Variants in MYOF observed in about 807,000 individuals in gnomAD.
The protein encoded by MYOF is myoferlin.
MYOF carries 244 observed loss-of-function variants against 284.2 expected under a neutral mutation model. The ratio of observed to expected loss-of-function variants is 0.86; its 90% CI spans 0.77 to 0.95. The LOEUF (loss-of-function observed/expected upper bound fraction) is 0.95. Ranked by LOEUF, MYOF falls within the 40% of genes least tolerant of loss-of-function variation. MYOF has a pLI of 0.00. For missense variants in MYOF, 2,496 were observed against 2,560.6 expected, an observed-to-expected ratio of 0.97 and a Z score of 0.54; for synonymous variants, 904 against 919.7, an observed-to-expected ratio of 0.98 and a Z score of 0.31.
chr10:93,361,465 C>A lies in MYOF; in HGVS notation c.2961G>T (p.Ala987=). Residue 987 remains alanine (A), a synonymous_variant, in exon 28 of 54, where the codon GCG becomes GCT. Coordinates refer to ENST00000359263, the MANE Select transcript of MYOF (RefSeq NM_013451.4). ...GTACAATGTTACCTTTCTCATCCAC[C>A]GCTCGATTTATGTCATAAGACCATG... ...DDAWSYDINR[A]VDEKGWEYGI... is the part of the protein sequence containing the mutation. The A allele has an allele frequency of 6.2e-7, 1 of 1,614,108 alleles. No individual in the cohort carries two copies. The highest frequency in any genetic ancestry group is 1.1e-5 in the South Asian group (1 of 91,082).
chr10:93,381,211 A>G lies in MYOF; in HGVS notation c.1876+8T>C. The G allele has an allele frequency of 3.7e-6, 6 of 1,614,072 alleles. No homozygotes were observed. Among genetic ancestry groups the G allele is most frequent in the Non-Finnish European group, 5.1e-6 (6 of 1,179,982 alleles). ...ACGTGTGGAGAGAACTGTTAGTGCC[A>G]ATCTTACCATCAAATACAGCACGGC... On this transcript the variant is annotated splice_region_variant and intron_variant, in intron 20 of 53. Transcript: ENST00000359263.
At chr10:93,421,145 A>G (rs555737337) in intron 5 of MYOF, among the ~76,000 whole-genome samples, 1 of 152,294 alleles carries the variant, frequency 6.6e-6, no homozygotes, top group East Asian at 1.9e-4. Context: ...TGAACCGGGG[A>G]GGTGGAGGTT....
intron 8 of MYOF, 25 bp downstream of exon 8, chr10:93,404,132 T>A: frequency 6.2e-7 from 1 of 1,613,790 alleles, no homozygotes; most frequent in Non-Finnish European, 8.5e-7. Flanking sequence ...GAGTGAGCAG[T>A]ACCTTCCTAC....
chr10:93,443,973 C>A (rs2056354498), intron 3 of MYOF, among the ~76,000 whole-genome samples: 1 of 152,216 alleles, frequency 6.6e-6, no homozygotes, highest in South Asian at 2.1e-4. Flanking sequence ...ACCATGCTCT[C>A]CTGCCTTCCT....
intron 5 of MYOF, among the ~76,000 whole-genome samples, chr10:93,411,970 C>G (rs1454719637): frequency 6.6e-6 from 1 of 152,180 alleles, no homozygotes; most frequent in Non-Finnish European, 1.5e-5. Context: ...TGACTCCCTA[C>G]TCTGTCCTCT....
chr10:93,308,306 C>T (rs374899398), intron 53 of MYOF, among the ~76,000 whole-genome samples: 12 of 150,780 alleles, frequency 8.0e-5, no homozygotes, highest in South Asian at 2.1e-4. Context: ...GGACTGGGAC[C>T]GAATGTGGTG....
At chr10:93,398,096 T>G (rs1847109917) in intron 13 of MYOF, among the ~76,000 whole-genome samples, 1 of 152,106 alleles carries the variant, frequency 6.6e-6, no homozygotes, top group Non-Finnish European at 1.5e-5. Flanking sequence ...CCCCAATCCT[T>G]CCCTGGGCTG....
chr10:93,321,086 G>T (rs1326552869), intron 48 of MYOF, among the ~76,000 whole-genome samples: 1 of 152,154 alleles, frequency 6.6e-6, no homozygotes, highest in Non-Finnish European at 1.5e-5. Context: ...TACTTTACAT[G>T]CATTATTTTA....
At chr10:93,389,577 A>T (rs1162633672) in intron 17 of MYOF, among the ~76,000 whole-genome samples, 1 of 152,258 alleles carries the variant, frequency 6.6e-6, no homozygotes, top group Non-Finnish European at 1.5e-5. Flanking sequence ...TTTAATCTTC[A>T]GTAGTTAGTA....
rs539566939 is a variant in MYOF at position 93,337,832 on chromosome 10, C to T, written c.4420G>A (p.Gly1474Ser). Residue 1474 changes from glycine to serine, a missense_variant, in exon 40 of 54, where the codon GGC (glycine) becomes AGC (serine). Gly to Ser is a moderately conservative substitution (Grantham distance 56). This residue lies in a region of MYOF where 2,436 missense variants were observed against 2,480.7 expected (regional missense o/e 0.98). Coordinates refer to ENST00000359263, the MANE Select transcript of MYOF (RefSeq NM_013451.4). ...HEKCGQYIQK[G>S]YSKLKIYNCE... ...CCAGGTACCTTGAGCTTGGAATAGC[C>T]TTTCTGAATATACTGTCCGCATTTT... The T allele has an allele frequency of 6.2e-7, 1 of 1,613,936 alleles. No homozygotes were observed. Among genetic ancestry groups the T allele is most frequent in the East Asian group, 2.2e-5 (1 of 44,874 alleles).
intron 48 of MYOF, among the ~76,000 whole-genome samples, chr10:93,320,615 C>T (rs935511689): frequency 1.3e-5 from 2 of 152,036 alleles, no homozygotes; most frequent in Admixed American, 1.3e-4. Context: ...TAACTTTTAA[C>T]GTTTGAGAAG....
intron 31 of MYOF, among the ~76,000 whole-genome samples, chr10:93,354,922 C>A (rs1844728406): frequency 6.6e-6 from 1 of 152,184 alleles, no homozygotes; most frequent in African/African-American, 2.4e-5. Context: ...CAGGTCCTAG[C>A]CCATGCTAAG....
intron 24 of MYOF, among the ~76,000 whole-genome samples, chr10:93,371,324 T>C (rs780967699): frequency 6.6e-6 from 1 of 152,190 alleles, no homozygotes; most frequent in Non-Finnish European, 1.5e-5. Context: ...TATTCATAAT[T>C]ATCTGAAAAG....
intron 5 of MYOF, among the ~76,000 whole-genome samples, chr10:93,410,647 C>T (rs955356838): frequency 4.6e-5 from 7 of 152,178 alleles, no homozygotes; most frequent in African/African-American, 9.7e-5. Context: ...CTTTGAAACT[C>T]GCTGACAAAC....
intron 1 of MYOF, among the ~76,000 whole-genome samples, chr10:93,467,303 C>T (rs2057031566): frequency 6.8e-6 from 1 of 147,644 alleles, no homozygotes; most frequent in Non-Finnish European, 1.5e-5. Flanking sequence ...TCTCCTAATG[C>T]TATCCCTCCC....
chr10:93,399,309 T>G (rs1478169872), intron 13 of MYOF, 83 bp downstream of exon 13: 12 of 1,058,384 alleles, frequency 1.1e-5, no homozygotes, highest in Non-Finnish European at 1.7e-5. Context: ...TAACAAAGAG[T>G]AAGCAGGAAT....
intron 2 of MYOF, 39 bp from the exon 3 acceptor site, chr10:93,452,180 G>T: frequency 7.1e-7 from 1 of 1,401,646 alleles, no homozygotes; most frequent in Non-Finnish European, 1.0e-6. Flanking sequence ...GAAAAAAAAA[G>T]GCTGTTAGAA....
chr10:93,369,869 A>G (rs756246463), intron 24 of MYOF, 93 bp from the exon 25 acceptor site: 88 of 1,479,034 alleles, frequency 5.9e-5, no homozygotes, highest in Non-Finnish European at 7.2e-5. Flanking sequence ...ACATCTAATC[A>G]TTGCTTTCAC....
chr10:93,417,871 CTCTCCTCTCA>C (rs558301928), intron 5 of MYOF, among the ~76,000 whole-genome samples: 2 of 152,152 alleles, frequency 1.3e-5, no homozygotes, highest in Non-Finnish European at 2.9e-5. Flanking sequence ...AACATTCTGC[CTCTCCTCTCA>C]TCTCCTCCCA....
Sources: allele counts gnomAD v4.1 joint callset (sites outside exome capture counted in the v4.1 genomes callset), GRCh38; gene constraint gnomAD v4.1.1; regional missense constraint gnomAD v4.1.1; transcripts MANE v1.5; gene names NCBI Gene and HGNC (gene_info 2026-07-23, HGNC 2026-07-21).